Variants in CADM2 observed in about 807,000 individuals in gnomAD.
CADM2 encodes cell adhesion molecule 2.
CADM2 carries 12 observed loss-of-function variants against 49.8 expected under a neutral mutation model. The observed-to-expected ratio is 0.24, with a 90% CI of 0.15 to 0.39. CADM2 has a LOEUF of 0.39. Among genes scored for constraint, CADM2 ranks in the 10% least tolerant of loss-of-function variants. CADM2 has a pLI of 1.00. For synonymous variants in CADM2, 214 were observed against 175.4 expected, an observed-to-expected ratio of 1.22 and a Z score of -1.74; for missense variants, 378 against 492.3, an observed-to-expected ratio of 0.77 and a Z score of 2.20.
Position 85,675,195 on chromosome 3 carries a change from G to A in CADM2, c.62-51327G>A, listed in dbSNP as rs529826743. ...CATATACAATTTTAACAAATCTCTG[G>A]TACTGATAACAATGTAGAAAATTTT... is the stretch of plus-strand genomic sequence containing the variant. On this transcript the variant is annotated intron_variant, in intron 1 of 9. Transcript: ENST00000383699. Among the ~76,000 whole-genome samples, 12 of 152,080 alleles carry A rather than the reference G, an allele frequency of 7.9e-5. No individual in the cohort carries two copies. The South Asian group carries it at 2.3e-3, about 29-fold the overall frequency.
At chr3:85,778,017 C>A (rs1471195594) in intron 2 of CADM2, among the ~76,000 whole-genome samples, 1 of 152,112 alleles carries the variant, frequency 6.6e-6, no homozygotes, top group Non-Finnish European at 1.5e-5. Flanking sequence ...TCCATTATGA[C>A]TTCTGTGTGA....
At chr3:84,965,872 T>C (rs1369718816) in intron 1 of CADM2, among the ~76,000 whole-genome samples, 1 of 152,184 alleles carries the variant, frequency 6.6e-6, no homozygotes, top group African/African-American at 2.4e-5. Context: ...TTGTGTTATG[T>C]CACATCAATA....
chr3:85,626,851 T>C (rs1450964215), intron 1 of CADM2, among the ~76,000 whole-genome samples: 1 of 152,014 alleles, frequency 6.6e-6, no homozygotes, highest in Non-Finnish European at 1.5e-5. Flanking sequence ...AGTAAATCAG[T>C]GCATAGCTTG....
chr3:85,756,097 C>T (rs1290852046), intron 2 of CADM2, among the ~76,000 whole-genome samples: 1 of 152,026 alleles, frequency 6.6e-6, no homozygotes, highest in Non-Finnish European at 1.5e-5. Context: ...AAAGACATGC[C>T]TATGGCTCAG....
At chr3:85,779,556 C>T (rs2070529566) in intron 2 of CADM2, among the ~76,000 whole-genome samples, 1 of 152,040 alleles carries the variant, frequency 6.6e-6, no homozygotes, top group Non-Finnish European at 1.5e-5. Flanking sequence ...GAGAGGAATG[C>T]CCCTTACAAA....
At chr3:85,251,549 C>A (rs2042775078) in intron 1 of CADM2, among the ~76,000 whole-genome samples, 1 of 151,792 alleles carries the variant, frequency 6.6e-6, no homozygotes, top group Non-Finnish European at 1.5e-5. Flanking sequence ...ATAACCATAA[C>A]AAAATTAATT....
chr3:85,628,550 T>C (rs1235284680), intron 1 of CADM2, among the ~76,000 whole-genome samples: 8 of 147,008 alleles, frequency 5.4e-5, no homozygotes, highest in Non-Finnish European at 3.0e-5. Context: ...CACATATATA[T>C]ACACACACAT....
chr3:85,119,700 T>G (rs531612713), intron 1 of CADM2, among the ~76,000 whole-genome samples: 1 of 152,296 alleles, frequency 6.6e-6, no homozygotes, highest in African/African-American at 2.4e-5. Context: ...TAGTTCTCCT[T>G]GAAGAGGTCC....
chr3:86,006,997 G>A (rs975059513), intron 8 of CADM2, among the ~76,000 whole-genome samples: 3 of 151,976 alleles, frequency 2.0e-5, no homozygotes, highest in Admixed American at 6.6e-5. Flanking sequence ...CCGAGATCAC[G>A]CCATTGCACT....
intron 1 of CADM2, among the ~76,000 whole-genome samples, chr3:85,348,256 G>A (rs1231594085): frequency 1.3e-5 from 2 of 151,740 alleles, no homozygotes; most frequent in Admixed American, 1.3e-4. Flanking sequence ...TCTAGGAAAG[G>A]CCATGCTTAT....
At chr3:85,568,000 T>C (rs1011180594) in intron 1 of CADM2, among the ~76,000 whole-genome samples, 7 of 152,186 alleles carry the variant, frequency 4.6e-5, no homozygotes, top group African/African-American at 1.7e-4. Flanking sequence ...AGTCTTTGGA[T>C]GGTACCCACA....
chr3:85,090,694 G>A (rs1292134302), intron 1 of CADM2, among the ~76,000 whole-genome samples: 1 of 152,072 alleles, frequency 6.6e-6, no homozygotes, highest in Non-Finnish European at 1.5e-5. Context: ...GTGAGTGGCG[G>A]GCCAGTGAGC....
intron 1 of CADM2, among the ~76,000 whole-genome samples, chr3:85,649,337 A>C (rs2064979022): frequency 6.6e-6 from 1 of 152,178 alleles, no homozygotes; most frequent in Non-Finnish European, 1.5e-5. Flanking sequence ...TATGTAGGAC[A>C]TCACTTAAAT....
rs1277953001 is a variant in CADM2, at chr3:86,070,176, A to G, written c.*3393A>G. On this transcript the variant is annotated 3_prime_UTR_variant, in exon 10 of 10. Coordinates refer to ENST00000383699, the MANE Select transcript of CADM2 (RefSeq NM_001167675.2). ...TTAAAATAACAAATAGAGAAAGAAA[A>G]CTAACTTTCCTAAATATGGCAAAGA... 4 of 151,932 alleles carry G rather than the reference A, an allele frequency of 2.6e-5. No individual in the cohort carries two copies. The highest frequency in any genetic ancestry group is 5.9e-5 in the Non-Finnish European group (4 of 67,846). 9.4% of individuals were successfully genotyped at this position (151,932 alleles called of 1,614,324 possible). A position where few individuals can be genotyped will look rare whatever the true frequency, so the allele number is the denominator to read the frequency against.
At chr3:85,809,687 CCTT>C (rs2072697687) in intron 3 of CADM2, among the ~76,000 whole-genome samples, 1 of 126,882 alleles carries the variant, frequency 7.9e-6, no homozygotes, top group Non-Finnish European at 1.7e-5. Flanking sequence ...TTCCTTCCTT[CCTT>C]CCTTCCTTCC....
intron 8 of CADM2, chr3:85,992,440 TTTG>T (rs1432095969): frequency 6.6e-6 from 1 of 152,152 alleles, no homozygotes; most frequent in East Asian, 1.9e-4. Flanking sequence ...ATTTTTTGCA[TTTG>T]TTGTTAGGTA....
intron 6 of CADM2, among the ~76,000 whole-genome samples, chr3:85,919,149 A>C (rs1288531230): frequency 6.6e-6 from 1 of 152,072 alleles, no homozygotes; most frequent in African/African-American, 2.4e-5. Flanking sequence ...AATTTTAAAA[A>C]ATGTGTGTAA....
chr3:85,961,792 A>G (rs1724848357), intron 8 of CADM2, 145 bp downstream of exon 8: 4 of 435,094 alleles, frequency 9.2e-6, no homozygotes. Flanking sequence ...TAATTATGAG[A>G]TATTATATTT....
intron 2 of CADM2, among the ~76,000 whole-genome samples, chr3:85,758,332 A>G (rs1476535093): frequency 6.6e-6 from 1 of 152,150 alleles, no homozygotes; most frequent in Non-Finnish European, 1.5e-5. Context: ...ACTGCCATGC[A>G]CAGAGGGACT....
Sources: allele counts gnomAD v4.1 joint callset (sites outside exome capture counted in the v4.1 genomes callset), GRCh38; gene constraint gnomAD v4.1.1; transcripts MANE v1.5; gene names NCBI Gene and HGNC (gene_info 2026-07-23, HGNC 2026-07-21).